The following HHLA2 variants were observed in gnomAD, a reference collection of about 807,000 sequenced individuals.
The protein encoded by HHLA2 is HERV-H LTR-associating protein 2.
HHLA2 carries 48 observed loss-of-function variants against 45.9 expected under a neutral mutation model. That is an observed-to-expected ratio of 1.05 (90% CI 0.83 to 1.33). HHLA2 has a LOEUF of 1.33. Ranked by LOEUF, HHLA2 falls within the 40% of genes most tolerant of loss-of-function variation. The pLI is 0.00. For missense variants in HHLA2, 462 were observed against 494.3 expected (o/e 0.93, Z 0.62); for synonymous variants, 161 against 173.9 (o/e 0.93, Z 0.59).
chr3:108,332,510 T>A (rs1411884476), intron 3 of HHLA2, among the ~76,000 whole-genome samples: 2 of 152,222 alleles, frequency 1.3e-5, no homozygotes, highest in East Asian at 1.9e-4. Context: ...ATACAATTAT[T>A]ACTTCTCTGA....
chr3:108,371,427 A>G (rs1249508261), intron 8 of HHLA2, among the ~76,000 whole-genome samples: 1 of 152,242 alleles, frequency 6.6e-6, no homozygotes, highest in Non-Finnish European at 1.5e-5. Context: ...CTAACGAGCA[A>G]AATAACCAGC....
intron 1 of HHLA2, among the ~76,000 whole-genome samples, chr3:108,300,486 G>C (rs1045567429): frequency 6.6e-6 from 1 of 152,158 alleles, no homozygotes; most frequent in Non-Finnish European, 1.5e-5. Flanking sequence ...TATAAACCAG[G>C]TGAGCCAATA....
At chr3:108,363,595 G>A (rs1242849072) in intron 8 of HHLA2, among the ~76,000 whole-genome samples, 1 of 152,142 alleles carries the variant, frequency 6.6e-6, no homozygotes, top group African/African-American at 2.4e-5. Flanking sequence ...CTAATAAGCA[G>A]GATAGTTCCT....
chr3:108,346,184 G>T (rs1481202505), intron 3 of HHLA2, among the ~76,000 whole-genome samples: 2 of 152,064 alleles, frequency 1.3e-5, no homozygotes, highest in Admixed American at 6.6e-5. Context: ...AAACAGAACC[G>T]AAGGCAAAGA....
At chr3:108,359,287 C>A (rs1389957130) in intron 7 of HHLA2, among the ~76,000 whole-genome samples, 1 of 152,054 alleles carries the variant, frequency 6.6e-6, no homozygotes, top group African/African-American at 2.4e-5. Context: ...CAGGACCATT[C>A]CATCTCTGAC....
Position 108,333,598 on chromosome 3 carries a change from CAAAAAAAAAAAAA to C in HHLA2, c.-27+5263_-27+5275del, listed in dbSNP as rs5851586. On this transcript the variant is annotated intron_variant, in intron 3 of 10. Transcript: ENST00000619531. ...TTTTCAGTGTTGCTCTCTCAGTAAC[CAAAAAAAAAAAAA>C]AAAAAAAAAAATTAATTTAAATTCA... Among the ~76,000 whole-genome samples the C allele has an allele frequency of 1.8e-4, 19 of 108,254 alleles. No homozygotes were observed. The East Asian group carries it at 3.5e-3, about 20-fold the overall frequency. 71.0% of individuals were successfully genotyped at this position (108,254 alleles called of 152,430 possible).
chr3:108,358,300 C>T (rs2081933356), intron 7 of HHLA2, 139 bp downstream of exon 6: 1 of 627,944 alleles, frequency 1.6e-6, no homozygotes. Context: ...TATTTCTGGT[C>T]AGGATGTCGA....
chr3:108,351,332 T>G (rs1285194408), intron 3 of HHLA2, among the ~76,000 whole-genome samples: 1 of 152,244 alleles, frequency 6.6e-6, no homozygotes, highest in African/African-American at 2.4e-5. Flanking sequence ...GAATTTAAAT[T>G]GGTTTTAGTA....
At chr3:108,370,386 G>A (rs1324175770) in intron 8 of HHLA2, among the ~76,000 whole-genome samples, 3 of 152,262 alleles carry the variant, frequency 2.0e-5, no homozygotes, top group East Asian at 3.9e-4. Context: ...AAAAAACAGA[G>A]CAGAAAAACT....
intron 2 of HHLA2, among the ~76,000 whole-genome samples, chr3:108,322,445 G>A (rs2081219223): frequency 6.6e-6 from 1 of 152,172 alleles, no homozygotes; most frequent in Admixed American, 6.5e-5. Flanking sequence ...TCGTTTAAGA[G>A]TCTGACTCCA....
At chr3:108,307,853 CTTT>C (rs1024706435) in intron 1 of HHLA2, among the ~76,000 whole-genome samples, 1 of 150,856 alleles carries the variant, frequency 6.6e-6, no homozygotes, top group Non-Finnish European at 1.5e-5. Flanking sequence ...GTAATTAGGT[CTTT>C]TTTTTTATTT....
intron 7 of HHLA2, among the ~76,000 whole-genome samples, chr3:108,359,537 A>C (rs1419703758): frequency 1.3e-5 from 2 of 152,140 alleles, no homozygotes; most frequent in African/African-American, 4.8e-5. Context: ...GATTCCTCGA[A>C]TCTAGATCTG....
At chr3:108,312,994 A>G (rs1296501892) in intron 2 of HHLA2, among the ~76,000 whole-genome samples, 1 of 152,184 alleles carries the variant, frequency 6.6e-6, no homozygotes, top group Non-Finnish European at 1.5e-5. Context: ...GGAGGACTCA[A>G]CATTTTGAAA....
chr3:108,335,286 T>C (rs2081451898), intron 3 of HHLA2, among the ~76,000 whole-genome samples: 1 of 152,212 alleles, frequency 6.6e-6, no homozygotes, highest in South Asian at 2.1e-4. Flanking sequence ...ATTGTTTACA[T>C]GCCCACTGAG....
chr3:108,315,194 A>G (rs1191654370), intron 2 of HHLA2, among the ~76,000 whole-genome samples: 2 of 152,160 alleles, frequency 1.3e-5, no homozygotes, highest in Admixed American at 1.3e-4. Flanking sequence ...CTGCCCTTAG[A>G]AGAGCCTTAA....
At chr3:108,358,603 T>C (rs1433592881) in intron 7 of HHLA2, among the ~76,000 whole-genome samples, 2 of 152,216 alleles carry the variant, frequency 1.3e-5, no homozygotes, top group Non-Finnish European at 2.9e-5. Context: ...CACACAATAT[T>C]TGAAGCACCA....
Position 108,336,004 on chromosome 3 carries a change from C to A in HHLA2, c.-27+7657C>A, listed in dbSNP as rs550617347. On this transcript the variant is annotated intron_variant, in intron 3 of 10. Coordinates refer to ENST00000619531, the Ensembl canonical transcript of HHLA2. The stretch of plus-strand genomic sequence containing the variant: ...TTGCTCTCATTATGGAAGGGAACAG[C>A]ATTCTCTTTTCCTACTTCCTCCCTG... Among the ~76,000 whole-genome samples, 13 of 152,052 alleles carry A rather than the reference C, an allele frequency of 8.5e-5. No individual in the cohort carries two copies. In the South Asian group the frequency reaches 2.1e-3, roughly 24 times the overall value.
chr3:108,305,153 T>C (rs1249405085), intron 1 of HHLA2, among the ~76,000 whole-genome samples: 2 of 152,164 alleles, frequency 1.3e-5, no homozygotes, highest in Non-Finnish European at 2.9e-5. Context: ...TCTAATCTGC[T>C]TAATATGCTT....
At position 108,359,361 on chromosome 3, in the gene HHLA2, G is replaced by T. The variant is rs146186785; in HGVS notation, c.1003+1200G>T. Among the ~76,000 whole-genome samples the T allele has an allele frequency of 5.5e-3, 839 of 152,230 alleles. 6 individuals carry two copies. Among genetic ancestry groups the T allele is most frequent in the Admixed American group, 8.7e-3 (133 of 15,296 alleles). On this transcript the variant is annotated intron_variant, in intron 7 of 10. Coordinates refer to ENST00000619531, the Ensembl canonical transcript of HHLA2. ...GTTGGCCAGGTGGGGCTGGGGGAGGGTGTGCTCACCCTTCCCCACGAGGAA... is the reference window on the plus strand; with the variant it reads ...GTTGGCCAGGTGGGGCTGGGGGAGGTTGTGCTCACCCTTCCCCACGAGGAA...
Sources: gnomAD v4.1 joint callset for allele counts (sites outside exome capture counted in the v4.1 genomes callset) on GRCh38, gnomAD v4.1.1 for gene constraint, MANE v1.5 for transcripts, NCBI Gene and HGNC (gene_info 2026-07-23, HGNC 2026-07-21) for gene names.